FBXL20: variants seen among roughly 807,000 people sequenced by gnomAD.
FBXL20 encodes F-box/LRR-repeat protein 20.
In FBXL20, 11 loss-of-function variants were observed where a neutral mutation model predicts 64.0. The observed-to-expected ratio is 0.17, with a 90% confidence interval of 0.11 to 0.28. FBXL20 has a LOEUF of 0.28. Ranked by LOEUF, FBXL20 falls within the 10% of genes least tolerant of loss-of-function variation. The pLI is 1.00. For missense variants in FBXL20, 303 were observed against 526.2 expected (o/e 0.58, Z 4.15); for synonymous variants, 184 against 189.0 (o/e 0.97, Z 0.22).
chr17:39,338,165 G>T (rs973765925), intron 2 of FBXL20, among the ~76,000 whole-genome samples: 10 of 152,340 alleles, frequency 6.6e-5, no homozygotes, highest in Non-Finnish European at 1.2e-4. Context: ...AAGTAGACAT[G>T]GGAGACTTTT....
intron 2 of FBXL20, among the ~76,000 whole-genome samples, chr17:39,342,597 G>C (rs1271912107): frequency 6.6e-6 from 1 of 152,142 alleles, no homozygotes; most frequent in Non-Finnish European, 1.5e-5. Context: ...GGCGCCTGTA[G>C]TCCCAGCGAC....
intron 10 of FBXL20, among the ~76,000 whole-genome samples, chr17:39,272,384 CAA>C (rs61446377): frequency 3.1e-5 from 4 of 130,912 alleles, no homozygotes; most frequent in African/African-American, 3.2e-5. Context: ...GACTTTGTCT[CAA>C]AAAAAAAAAA....
intron 9 of FBXL20, among the ~76,000 whole-genome samples, chr17:39,275,335 A>G (rs572386114): frequency 6.6e-6 from 1 of 152,204 alleles, no homozygotes; most frequent in Non-Finnish European, 1.5e-5. Context: ...GTTGAAAGCT[A>G]CAATGGAATT....
intron 2 of FBXL20, among the ~76,000 whole-genome samples, chr17:39,305,990 AAAAC>A (rs753973653): frequency 3.3e-5 from 5 of 151,520 alleles, no homozygotes; most frequent in South Asian, 2.1e-4. Context: ...TGTGTCTCAA[AAAAC>A]AAACAAACAA....
chr17:39,297,049 T>C, intron 6 of FBXL20, 78 bp downstream of exon 6: 1 of 960,134 alleles, frequency 1.0e-6, no homozygotes, highest in Non-Finnish European at 1.5e-6. Context: ...CTCAATAGAG[T>C]TAATGGCCTG....
rs10568875 is a variant in FBXL20 at position 39,295,784 on chromosome 17, G to GATATATATATATATAT, written c.398+1327_398+1342dup. 1.7e-3 allele frequency among the ~76,000 whole-genome samples: 228 copies of GATATATATATATATAT among 137,068 alleles called. 3 individuals are homozygous for GATATATATATATATAT. Among genetic ancestry groups the GATATATATATATATAT allele is most frequent in the African/African-American group, 4.1e-3 (154 of 37,362 alleles). 89.9% of individuals were successfully genotyped at this position (137,068 alleles called of 152,430 possible). A position where few individuals can be genotyped will look rare whatever the true frequency, so the allele number is the denominator to read the frequency against. On this transcript the variant is annotated intron_variant, in intron 6 of 14. Transcript: ENST00000264658. ...CTTTTTGAAAATATGCAAATATGGA[G>GATATATATATATATAT]ATATATATATATATATATATATTAA...
chr17:39,375,987 C>T (rs527390063), intron 1 of FBXL20, among the ~76,000 whole-genome samples: 167 of 152,160 alleles, frequency 1.1e-3, no homozygotes, highest in Middle Eastern at 3.4e-3. Context: ...GGCATGGTGG[C>T]GGGCACCTGT....
In FBXL20 at chr17:39,254,082, TTTCTC is replaced by T. The variant is rs2046673791; in HGVS notation, c.*7373_*7377del. 1 of 152,194 alleles carries T rather than the reference TTTCTC, an allele frequency of 6.6e-6. No individual in the cohort carries two copies. The highest frequency in any genetic ancestry group is 2.4e-5 in the African/African-American group (1 of 41,452). The allele number at this position is 152,194 out of a possible 1,614,324, so 9.4% of individuals were successfully genotyped here. On this transcript the variant is annotated 3_prime_UTR_variant, in exon 15 of 15. Transcript: ENST00000264658. ...TTAGTGAAGCAAAGTTTTCTTTTCT[TTTCTC>T]TTTTTTGTGAGATGGAGTCTCACTC...
At position 39,401,560 on chromosome 17, in the gene FBXL20, A is replaced by T; in HGVS notation, c.-158T>A. 5.7e-6 allele frequency: 8 copies of T among 1,413,008 alleles called. No homozygotes were observed. The South Asian group carries it at 1.2e-4, about 22-fold the overall frequency. The allele number at this position is 1,413,008 out of a possible 1,614,324, so 87.5% of individuals were successfully genotyped here. On this transcript the variant is annotated 5_prime_UTR_variant, in exon 1 of 15. Coordinates refer to ENST00000264658, the MANE Select transcript of FBXL20 (RefSeq NM_032875.3). ...AACAAGAGACCTCTCGGCTCCGGCT[A>T]GGCCTCCACCACCTCCCGCGGCGCC... is the stretch of plus-strand genomic sequence containing the variant.
intron 1 of FBXL20, among the ~76,000 whole-genome samples, chr17:39,350,602 T>C (rs1166397679): frequency 1.3e-5 from 2 of 151,496 alleles, no homozygotes; most frequent in Non-Finnish European, 2.9e-5. Flanking sequence ...TGTAGGAGCA[T>C]TAAAGTGAAG....
intron 2 of FBXL20, among the ~76,000 whole-genome samples, chr17:39,340,392 AC>A (rs1389540273): frequency 1.3e-5 from 2 of 150,132 alleles, no homozygotes; most frequent in Non-Finnish European, 3.0e-5. Flanking sequence ...ACCGCGCCCG[AC>A]TAATTTCTGT....
At chr17:39,318,097 T>TA (rs1008741843) in intron 2 of FBXL20, among the ~76,000 whole-genome samples, 15 of 151,588 alleles carry the variant, frequency 9.9e-5, no homozygotes, top group African/African-American at 3.1e-4. Flanking sequence ...TCAAGCCATA[T>TA]AAAAAAAAAT....
At chr17:39,301,259 T>C (rs2047132084) in intron 3 of FBXL20, among the ~76,000 whole-genome samples, 184 bp from the exon 4 acceptor site, 1 of 152,136 alleles carries the variant, frequency 6.6e-6, no homozygotes, top group South Asian at 2.1e-4. Flanking sequence ...TCCAATTAGA[T>C]AATCTCATAA....
chr17:39,288,545 G>T (rs1351558252), intron 6 of FBXL20, among the ~76,000 whole-genome samples: 4 of 151,940 alleles, frequency 2.6e-5, no homozygotes, highest in African/African-American at 9.7e-5. Context: ...TGCTCTTCTG[G>T]GCTTAAGTGA....
At position 39,401,457 on chromosome 17, in the gene FBXL20, C is replaced by G; in HGVS notation, c.-55G>C. The G allele has an allele frequency of 1.3e-6, 2 of 1,552,204 alleles. No individual in the cohort carries two copies. Among genetic ancestry groups the G allele is most frequent in the Non-Finnish European group, 1.7e-6 (2 of 1,149,804 alleles). On this transcript the variant is annotated 5_prime_UTR_variant, in exon 1 of 15. Transcript: ENST00000264658. ...GCTGCGGCGAGCGGAGTGCACAGAC[C>G]GGGGGCCCAGGACAGGCCCGGGAGT...
intron 9 of FBXL20, among the ~76,000 whole-genome samples, chr17:39,277,090 G>T (rs2046904136): frequency 6.6e-6 from 1 of 152,170 alleles, no homozygotes; most frequent in Non-Finnish European, 1.5e-5. Flanking sequence ...AAGGACAACT[G>T]AAAAAACAAA....
At chr17:39,314,802 T>C (rs1261599908) in intron 2 of FBXL20, among the ~76,000 whole-genome samples, 2 of 149,484 alleles carry the variant, frequency 1.3e-5, no homozygotes, top group East Asian at 3.9e-4. Flanking sequence ...TTTCTTTTTT[T>C]TTTTTTTTTT....
intron 5 of FBXL20, among the ~76,000 whole-genome samples, chr17:39,298,014 G>C (rs1047601078): frequency 2.0e-5 from 3 of 152,024 alleles, no homozygotes; most frequent in Admixed American, 2.0e-4. Flanking sequence ...TGAGATTACA[G>C]GCTTGGGCTA....
chr17:39,262,553 T>G (rs1251143855), intron 14 of FBXL20, among the ~76,000 whole-genome samples: 3 of 151,312 alleles, frequency 2.0e-5, no homozygotes. Context: ...AGTGCTGGGA[T>G]TACAGGCGTG....
Sources: gnomAD v4.1 joint callset for allele counts (sites outside exome capture counted in the v4.1 genomes callset) on GRCh38, gnomAD v4.1.1 for gene constraint, MANE v1.5 for transcripts, NCBI Gene and HGNC (gene_info 2026-07-23, HGNC 2026-07-21) for gene names.